The following PARD3 variants were observed in gnomAD, a reference collection of about 807,000 sequenced individuals.
PARD3 encodes the protein partitioning defective 3 homolog.
PARD3 carries 75 observed loss-of-function variants against 155.4 expected under a neutral mutation model. The observed-to-expected ratio is 0.48, with a 90% confidence interval of 0.40 to 0.58. The LOEUF (loss-of-function observed/expected upper bound fraction) is 0.58, where lower values mean the gene tolerates loss of function less well. Among genes scored for constraint, PARD3 ranks in the 20% least tolerant of loss-of-function variants. The pLI is 0.00. For synonymous variants in PARD3, 576 were observed against 610.5 expected (o/e 0.94, Z 0.83); for missense variants, 1,642 against 1,721.7 (o/e 0.95, Z 0.82).
intron 22 of PARD3, among the ~76,000 whole-genome samples, chr10:34,185,811 C>CTATATTATAT (rs200395816): frequency 0.072 from 10,381 of 143,618 alleles, 403 homozygotes; most frequent in Middle Eastern, 0.086. Context: ...GTAACATCTT[C>CTATATTATAT]TATATTATAT....
chr10:34,541,498 G>A (rs763245933), intron 2 of PARD3, among the ~76,000 whole-genome samples: 1 of 152,030 alleles, frequency 6.6e-6, no homozygotes, highest in African/African-American at 2.4e-5. Context: ...TCTCAACCTT[G>A]TACAAAACCC....
intron 1 of PARD3, among the ~76,000 whole-genome samples, chr10:34,777,486 G>A (rs1359057953): frequency 2.0e-5 from 3 of 152,166 alleles, no homozygotes; most frequent in Non-Finnish European, 4.4e-5. Flanking sequence ...CTCTTAGAGG[G>A]CATCCTCACA....
At chr10:34,747,602 A>T (rs774870677) in intron 1 of PARD3, among the ~76,000 whole-genome samples, 2 of 152,182 alleles carry the variant, frequency 1.3e-5, no homozygotes, top group African/African-American at 4.8e-5. Context: ...CTTAGCTTCA[A>T]GGGGCTTCCA....
At chr10:34,544,857 A>T (rs555807850) in intron 2 of PARD3, among the ~76,000 whole-genome samples, 13 of 152,312 alleles carry the variant, frequency 8.5e-5, no homozygotes, top group East Asian at 7.7e-4. Context: ...TTTACACTGG[A>T]GCACCTCTTG....
chr10:34,808,742 A>G (rs2134405781), intron 1 of PARD3, among the ~76,000 whole-genome samples: 1 of 152,334 alleles, frequency 6.6e-6, no homozygotes, highest in Non-Finnish European at 1.5e-5. Context: ...GGACAGACGG[A>G]GGATCCGTCT....
intron 3 of PARD3, among the ~76,000 whole-genome samples, chr10:34,480,368 G>C (rs2078996896): frequency 6.6e-6 from 1 of 152,144 alleles, no homozygotes; most frequent in African/African-American, 2.4e-5. Context: ...ACCAGTAACT[G>C]AGACTATAGG....
chr10:34,227,649 A>C (rs1365138065), intron 22 of PARD3, among the ~76,000 whole-genome samples: 1 of 151,918 alleles, frequency 6.6e-6, no homozygotes, highest in Non-Finnish European at 1.5e-5. Flanking sequence ...TAAATAAATA[A>C]ATACATACAT....
intron 1 of PARD3, among the ~76,000 whole-genome samples, chr10:34,710,482 C>G (rs531942132): frequency 3.3e-5 from 5 of 152,078 alleles, no homozygotes. Flanking sequence ...CACTTCTAGA[C>G]CCCATCTCTT....
At position 34,211,443 on chromosome 10, in the gene PARD3, A is replaced by G. The variant is rs550239185; in HGVS notation, c.3419+58214T>C. Among the ~76,000 whole-genome samples the G allele has an allele frequency of 1.1e-4, 17 of 152,064 alleles. No homozygotes were observed. The South Asian group carries it at 1.5e-3, about 13-fold the overall frequency. On this transcript the variant is annotated intron_variant, in intron 22 of 24. Coordinates refer to ENST00000374788, the MANE Select transcript of PARD3 (RefSeq NM_001184785.2). ...GGCATACGCAGAGAGAAGGCAGAAG[A>G]AAAAGGGAAAGCAGAAACGACAGAG... is the stretch of plus-strand genomic sequence containing the variant.
rs765249873 is a variant in PARD3 at position 34,331,199 on chromosome 10, T to A, written c.2751A>T (p.Gly917=). The change falls in exon 19 of 25, where the codon GGA becomes GGT. Residue 917 remains glycine (G), a synonymous_variant. Transcript: ENST00000374788. ...TGGCAGCTCTGAAGCTCTCATTGCA[T>A]CCCCTGCCTCTGATTATCCGCGGCC... ...RPRPRIIRGR[G]CNESFRAAID... 6.2e-7 allele frequency: 1 copy of A among 1,613,922 alleles called. No individual in the cohort carries two copies. Among genetic ancestry groups the A allele is most frequent in the African/African-American group, 1.3e-5 (1 of 74,874 alleles).
chr10:34,766,413 C>G (rs1489481957), intron 1 of PARD3, among the ~76,000 whole-genome samples: 2 of 152,162 alleles, frequency 1.3e-5, no homozygotes, highest in East Asian at 1.9e-4. Context: ...ATATCCCAGA[C>G]AGCAAAACAT....
intron 1 of PARD3, among the ~76,000 whole-genome samples, chr10:34,713,852 T>C (rs974421277): frequency 1.8e-4 from 27 of 152,230 alleles, no homozygotes; most frequent in African/African-American, 6.5e-4. Context: ...CTCCTGCCTC[T>C]CCTCTGGAGA....
At chr10:34,361,890 C>T (rs891694408) in intron 12 of PARD3, among the ~76,000 whole-genome samples, 2 of 151,900 alleles carry the variant, frequency 1.3e-5, no homozygotes, top group African/African-American at 4.8e-5. Context: ...TGAAAAAATA[C>T]AGAGTAATAG....
At chr10:34,354,740 A>G (rs563797715) in intron 14 of PARD3, among the ~76,000 whole-genome samples, 3 of 152,290 alleles carry the variant, frequency 2.0e-5, no homozygotes, top group African/African-American at 7.2e-5. Context: ...CTGAGTGGCT[A>G]GAGCAGAGGT....
chr10:34,600,962 A>ATTTTTTTTTTT (rs1028271994), intron 2 of PARD3, among the ~76,000 whole-genome samples: 3 of 90,100 alleles, frequency 3.3e-5, no homozygotes, highest in Non-Finnish European at 6.2e-5. Flanking sequence ...CATTTTTTTA[A>ATTTTTTTTTTT]TTTTTTTTTT....
chr10:34,357,379 G>A (rs911994341), intron 14 of PARD3, among the ~76,000 whole-genome samples: 1 of 152,078 alleles, frequency 6.6e-6, no homozygotes, highest in African/African-American at 2.4e-5. Context: ...ATGTCCTCAG[G>A]ATCTAACACA....
intron 2 of PARD3, among the ~76,000 whole-genome samples, chr10:34,567,757 A>G (rs1376167372): frequency 6.6e-6 from 1 of 152,240 alleles, no homozygotes; most frequent in African/African-American, 2.4e-5. Context: ...AAGATCTGAA[A>G]CCAGCAGCTA....
intron 1 of PARD3, among the ~76,000 whole-genome samples, chr10:34,717,066 C>A: frequency 6.6e-6 from 1 of 152,022 alleles, no homozygotes; most frequent in African/African-American, 2.4e-5. Context: ...AAGATTGGAC[C>A]CCCCTGCTTT....
chr10:34,695,331 C>G (rs1293019501), intron 2 of PARD3, among the ~76,000 whole-genome samples: 1 of 151,996 alleles, frequency 6.6e-6, no homozygotes, highest in Non-Finnish European at 1.5e-5. Flanking sequence ...AAAAATTAGC[C>G]AGGCGTGGTG....
Sources: gnomAD v4.1 joint callset for allele counts (sites outside exome capture counted in the v4.1 genomes callset) on GRCh38, gnomAD v4.1.1 for gene constraint, MANE v1.5 for transcripts, NCBI Gene and HGNC (gene_info 2026-07-23, HGNC 2026-07-21) for gene names.